The following WDR72 variants were observed in gnomAD, a reference collection of about 807,000 sequenced individuals.
WDR72 encodes WD repeat domain 72, also known as WD repeat-containing protein 72.
Under a neutral mutation model 124.2 loss-of-function variants are expected in WDR72, and 120 were observed. The observed-to-expected ratio is 0.97, with a 90% CI of 0.83 to 1.12. WDR72 has a LOEUF of 1.12. Ranked by LOEUF, WDR72 falls within the 50% of genes most tolerant of loss-of-function variation. WDR72 has a pLI of 0.00. For missense variants in WDR72, 1,387 were observed against 1,278.8 expected, an observed-to-expected ratio of 1.08 and a Z score of -1.29; for synonymous variants, 452 against 441.7, an observed-to-expected ratio of 1.02 and a Z score of -0.29.
At chr15:53,583,819 T>C (rs1233747724) in intron 18 of WDR72, among the ~76,000 whole-genome samples, 1 of 152,010 alleles carries the variant, frequency 6.6e-6, no homozygotes, top group East Asian at 1.9e-4. Flanking sequence ...ATGTAATGAC[T>C]CTAGAATTAA....
Position 53,654,800 on chromosome 15 carries a change from C to T in WDR72, c.1962+10772G>A, listed in dbSNP as rs867473380. 6.6e-5 allele frequency among the ~76,000 whole-genome samples: 10 copies of T among 152,266 alleles called. No homozygotes were observed. In the South Asian group the frequency reaches 2.1e-3, roughly 32 times the overall value. On this transcript the variant is annotated intron_variant, in intron 14 of 19. Transcript: ENST00000360509. ...AAATTTTGACAAAACACACTCAGAA[C>T]TGTTAGTTTTCTGCTTCTATCTTAC...
At chr15:53,598,687 C>T (rs1199558034) in intron 17 of WDR72, among the ~76,000 whole-genome samples, 2 of 152,092 alleles carry the variant, frequency 1.3e-5, no homozygotes, top group Non-Finnish European at 2.9e-5. Context: ...GTCCAGCCCA[C>T]ACTCAAATGT....
At chr15:53,533,756 G>T (rs563134093) in intron 18 of WDR72, among the ~76,000 whole-genome samples, 125 of 152,252 alleles carry the variant, frequency 8.2e-4, no homozygotes, top group African/African-American at 3.0e-3. Context: ...CCTCCGCACA[G>T]ATGCCCAGTT....
At chr15:53,611,891 G>C (rs2013555235) in intron 16 of WDR72, among the ~76,000 whole-genome samples, 1 of 152,094 alleles carries the variant, frequency 6.6e-6, no homozygotes, top group South Asian at 2.1e-4. Context: ...ACTCTCACTT[G>C]AAAATACTCT....
At chr15:53,689,547 A>G (rs1432126698) in intron 13 of WDR72, among the ~76,000 whole-genome samples, 1 of 148,660 alleles carries the variant, frequency 6.7e-6, no homozygotes, top group Non-Finnish European at 1.5e-5. Flanking sequence ...AATGGCAATC[A>G]TTAAAAAGTC....
At chr15:53,645,112 T>C (rs1235119797) in intron 14 of WDR72, among the ~76,000 whole-genome samples, 3 of 152,144 alleles carry the variant, frequency 2.0e-5, no homozygotes, top group East Asian at 1.9e-4. Context: ...GAGCCTGCTT[T>C]AGCGAACTGT....
intron 17 of WDR72, among the ~76,000 whole-genome samples, chr15:53,604,656 A>C (rs1303915594): frequency 6.6e-6 from 1 of 152,112 alleles, no homozygotes; most frequent in Non-Finnish European, 1.5e-5. Flanking sequence ...CTATTAAAAC[A>C]TGGGCAAAGG....
chr15:53,739,288 TA>T (rs1362948555), intron 1 of WDR72, among the ~76,000 whole-genome samples: 21 of 152,022 alleles, frequency 1.4e-4, no homozygotes, highest in Non-Finnish European at 5.9e-5. Flanking sequence ...AACCTGCCAT[TA>T]AAGCCGCAGA....
chr15:53,615,501 A>G lies in WDR72; in HGVS notation c.2705T>C (p.Val902Ala). The G allele has an allele frequency of 6.2e-7, 1 of 1,612,720 alleles. No homozygotes were observed. The highest frequency in any genetic ancestry group is 8.5e-7 in the Non-Finnish European group (1 of 1,179,332). Reference protein sequence around the residue: ...CDSLRESDTIVYLLSRLFLVN... With the variant: ...CDSLRESDTIAYLLSRLFLVN... ...TAAAAATAGTCTGCTCAACAAATAA[A>G]CTATAGTATCTGACTCTCGCAAAGA... The change falls in exon 15 of 20, where the codon GTT becomes GCT. Residue 902 changes from valine (V) to alanine (A), a missense_variant. Val to Ala is a moderately conservative substitution (Grantham distance 64). Coordinates refer to ENST00000360509, the MANE Select transcript of WDR72 (RefSeq NM_182758.4).
intron 17 of WDR72, among the ~76,000 whole-genome samples, chr15:53,604,317 T>C (rs2013178283): frequency 6.6e-6 from 1 of 152,146 alleles, no homozygotes; most frequent in African/African-American, 2.4e-5. Flanking sequence ...TTACACCATA[T>C]ACAAAAATTA....
chr15:53,598,252 A>G (rs1003764830), intron 17 of WDR72, among the ~76,000 whole-genome samples: 20 of 151,904 alleles, frequency 1.3e-4, no homozygotes, highest in African/African-American at 4.8e-4. Context: ...ATATAGCTAC[A>G]TCCCAGTGCC....
chr15:53,609,513 C>G lies in WDR72; in HGVS notation c.2952G>C (p.Gln984His), dbSNP rs533111653. The G allele has an allele frequency of 1.9e-6, 3 of 1,612,864 alleles. No homozygotes were observed. The highest frequency in any genetic ancestry group is 2.2e-5 in the East Asian group (1 of 44,812). ...GTCATGAATGTGAATTATATCATAC[C>G]TGCACAGACTGGTCTCTCCAACAGG... The part of the protein sequence containing the change: ...LISCWRDQSV[Q>H]VTEAIQAVLL... Residue 984 changes from glutamine (Q) to histidine (H), a missense_variant and splice_region_variant, in exon 17 of 20, where the codon CAG becomes CAC. By Grantham distance (24) the Gln-to-His change is conservative. Transcript: ENST00000360509.
At chr15:53,731,059 C>A (rs1267668032) in intron 2 of WDR72, among the ~76,000 whole-genome samples, 1 of 152,126 alleles carries the variant, frequency 6.6e-6, no homozygotes, top group Non-Finnish European at 1.5e-5. Flanking sequence ...CACATTCATA[C>A]GAATCAATAA....
At chr15:53,671,230 T>G (rs1455051105) in intron 13 of WDR72, among the ~76,000 whole-genome samples, 1 of 152,168 alleles carries the variant, frequency 6.6e-6, no homozygotes, top group Non-Finnish European at 1.5e-5. Flanking sequence ...CAGCCTCCCC[T>G]TATTCACAAA....
At chr15:53,653,570 T>TCA (rs1316375025) in intron 14 of WDR72, among the ~76,000 whole-genome samples, 2 of 152,202 alleles carry the variant, frequency 1.3e-5, no homozygotes, top group African/African-American at 4.8e-5. Flanking sequence ...ACTGAACCTG[T>TCA]AGTTGACGTT....
chr15:53,737,596 T>C (rs2018393785), intron 1 of WDR72, among the ~76,000 whole-genome samples: 1 of 152,048 alleles, frequency 6.6e-6, no homozygotes, highest in Admixed American at 6.5e-5. Context: ...AATAAGTCAT[T>C]CACCAGAAAA....
At chr15:53,587,522 T>C (rs1313341134) in intron 18 of WDR72, among the ~76,000 whole-genome samples, 1 of 152,038 alleles carries the variant, frequency 6.6e-6, no homozygotes, top group Non-Finnish European at 1.5e-5. Flanking sequence ...TATAAGTTAC[T>C]TACCATTTAT....
intron 18 of WDR72, among the ~76,000 whole-genome samples, chr15:53,579,825 A>G (rs1274338816): frequency 6.6e-6 from 1 of 152,108 alleles, no homozygotes; most frequent in Non-Finnish European, 1.5e-5. Flanking sequence ...TATAAAAAAA[A>G]TGTTCAAAAT....
chr15:53,651,135 T>C (rs570856582), intron 14 of WDR72, among the ~76,000 whole-genome samples: 2 of 152,236 alleles, frequency 1.3e-5, no homozygotes, highest in East Asian at 3.9e-4. Flanking sequence ...TTTGACTTCA[T>C]TGTCTACATC....
Sources: allele counts gnomAD v4.1 joint callset (sites outside exome capture counted in the v4.1 genomes callset), GRCh38; gene constraint gnomAD v4.1.1; transcripts MANE v1.5; gene names NCBI Gene and HGNC (gene_info 2026-07-23, HGNC 2026-07-21).